LHFPL6: variants seen among roughly 807,000 people sequenced by gnomAD.
LHFPL6 encodes LHFPL tetraspan subfamily member 6 protein.
A neutral mutation model predicts 20.6 loss-of-function variants in LHFPL6; 9 were observed. That is an observed-to-expected ratio of 0.44 (90% CI 0.26 to 0.76). The LOEUF (loss-of-function observed/expected upper bound fraction) is 0.76, where lower values mean the gene tolerates loss of function less well. Among genes scored for constraint, LHFPL6 ranks in the 30% least tolerant of loss-of-function variants. LHFPL6 has a pLI of 0.20. For synonymous variants in LHFPL6, 105 were observed against 98.7 expected (o/e 1.06, Z -0.38); for missense variants, 218 against 253.5 (o/e 0.86, Z 0.95).
At chr13:39,402,832 C>A (rs1019106351) in intron 2 of LHFPL6, among the ~76,000 whole-genome samples, 4 of 152,308 alleles carry the variant, frequency 2.6e-5, no homozygotes, top group African/African-American at 9.6e-5. Flanking sequence ...TCTATGTAAT[C>A]CAGCAGTATC....
At chr13:39,382,579 G>A (rs1283949826) in intron 2 of LHFPL6, among the ~76,000 whole-genome samples, 1 of 151,900 alleles carries the variant, frequency 6.6e-6, no homozygotes, top group South Asian at 2.1e-4. Context: ...TAGTGGAGAC[G>A]GGGTTTCACC....
chr13:39,418,004 A>C (rs1871387275), intron 2 of LHFPL6, among the ~76,000 whole-genome samples: 1 of 152,200 alleles, frequency 6.6e-6, no homozygotes, highest in Non-Finnish European at 1.5e-5. Context: ...CCACAGACAG[A>C]TCTGCATCAA....
chr13:39,472,661 T>A (rs1872976217), intron 2 of LHFPL6, among the ~76,000 whole-genome samples: 1 of 152,022 alleles, frequency 6.6e-6, no homozygotes, highest in Non-Finnish European at 1.5e-5. Context: ...CAGGCTGGAG[T>A]GCAATGATGC....
At chr13:39,354,752 C>T (rs757954552) in intron 3 of LHFPL6, among the ~76,000 whole-genome samples, 37 of 151,992 alleles carry the variant, frequency 2.4e-4, no homozygotes, top group African/African-American at 8.0e-4. Context: ...GCACGAATTT[C>T]GTAATACAGT....
intron 2 of LHFPL6, among the ~76,000 whole-genome samples, chr13:39,565,089 T>C (rs1488122990): frequency 1.3e-5 from 2 of 152,326 alleles, no homozygotes; most frequent in Admixed American, 1.3e-4. Flanking sequence ...AAAATGACCA[T>C]TGTTGTTTAA....
intron 2 of LHFPL6, among the ~76,000 whole-genome samples, chr13:39,510,096 T>G: frequency 6.6e-6 from 1 of 152,256 alleles, no homozygotes; most frequent in East Asian, 1.9e-4. Context: ...ATTGCCCATC[T>G]GCTGATGGTT....
intron 2 of LHFPL6, among the ~76,000 whole-genome samples, chr13:39,464,637 A>AT (rs2138431435): frequency 6.6e-6 from 1 of 151,318 alleles, no homozygotes; most frequent in East Asian, 1.9e-4. Flanking sequence ...ATATACTTTT[A>AT]TTTTTATAAC....
intron 2 of LHFPL6, among the ~76,000 whole-genome samples, chr13:39,516,822 C>T (rs915791871): frequency 2.0e-5 from 3 of 152,208 alleles, no homozygotes; most frequent in Admixed American, 6.5e-5. Context: ...CCAAAGACAA[C>T]AGTCAAAACA....
At chr13:39,522,341 A>G (rs534309708) in intron 2 of LHFPL6, among the ~76,000 whole-genome samples, 1 of 152,364 alleles carries the variant, frequency 6.6e-6, no homozygotes, top group East Asian at 1.9e-4. Context: ...GTGGCACAGC[A>G]GGATTTAAAC....
At chr13:39,521,566 A>C (rs977858675) in intron 2 of LHFPL6, among the ~76,000 whole-genome samples, 8 of 152,040 alleles carry the variant, frequency 5.3e-5, no homozygotes, top group Admixed American at 4.6e-4. Flanking sequence ...AGGGCTGCTG[A>C]TAAGATATCC....
At chr13:39,396,497 T>C (rs1017057270) in intron 2 of LHFPL6, among the ~76,000 whole-genome samples, 5 of 152,194 alleles carry the variant, frequency 3.3e-5, no homozygotes, top group Admixed American at 3.3e-4. Context: ...ACTGGTGTCC[T>C]TATAAGAAGA....
chr13:39,488,558 G>A (rs1390376405), intron 2 of LHFPL6, among the ~76,000 whole-genome samples: 1 of 152,046 alleles, frequency 6.6e-6, no homozygotes, highest in Non-Finnish European at 1.5e-5. Context: ...AACTTCTAAG[G>A]CAGACTTTTC....
chr13:39,487,566 G>C (rs1868768530), intron 2 of LHFPL6, among the ~76,000 whole-genome samples: 1 of 152,172 alleles, frequency 6.6e-6, no homozygotes, highest in South Asian at 2.1e-4. Flanking sequence ...CTTTGAAAGT[G>C]GTTTTATGCT....
At chr13:39,516,748 A>C (rs992675032) in intron 2 of LHFPL6, among the ~76,000 whole-genome samples, 3 of 148,728 alleles carry the variant, frequency 2.0e-5, no homozygotes, top group Admixed American at 6.7e-5. Context: ...TGAATAAAAT[A>C]AAAATCTTGA....
intron 2 of LHFPL6, among the ~76,000 whole-genome samples, chr13:39,546,113 A>G (rs1870974643): frequency 6.6e-6 from 1 of 152,192 alleles, no homozygotes; most frequent in South Asian, 2.1e-4. Flanking sequence ...TAAAATGATT[A>G]GAGAATGCCT....
chr13:39,574,883 C>T (rs1243230872), intron 2 of LHFPL6, among the ~76,000 whole-genome samples: 2 of 152,018 alleles, frequency 1.3e-5, no homozygotes, highest in African/African-American at 2.4e-5. Flanking sequence ...ACCAGTCTGG[C>T]CATCATGGTG....
intron 2 of LHFPL6, among the ~76,000 whole-genome samples, chr13:39,578,243 A>C (rs1163092261): frequency 1.3e-5 from 2 of 152,164 alleles, no homozygotes; most frequent in Non-Finnish European, 2.9e-5. Context: ...GATAGGACAA[A>C]AGCACCCTAC....
intron 2 of LHFPL6, among the ~76,000 whole-genome samples, chr13:39,379,337 T>A (rs1870377649): frequency 6.6e-6 from 1 of 152,202 alleles, no homozygotes; most frequent in Non-Finnish European, 1.5e-5. Flanking sequence ...TGTGGGCTAA[T>A]CTGAAAGTAA....
At chr13:39,428,289 T>TA (rs1282887445) in intron 2 of LHFPL6, among the ~76,000 whole-genome samples, 1 of 152,354 alleles carries the variant, frequency 6.6e-6, no homozygotes, top group East Asian at 1.9e-4. Context: ...GTAGAATTAA[T>TA]ATTACTTTTT....
Sources: gnomAD v4.1 joint callset for allele counts (sites outside exome capture counted in the v4.1 genomes callset) on GRCh38, gnomAD v4.1.1 for gene constraint, MANE v1.5 for transcripts, NCBI Gene and HGNC (gene_info 2026-07-23, HGNC 2026-07-21) for gene names.